Variants in TRIM41 observed in about 807,000 individuals in gnomAD.
TRIM41 encodes the protein tripartite motif containing 41, also known as E3 ubiquitin-protein ligase TRIM41.
TRIM41 carries 21 observed loss-of-function variants against 60.6 expected under a neutral mutation model. The observed-to-expected ratio is 0.35, with a 90% CI of 0.25 to 0.50. The LOEUF (loss-of-function observed/expected upper bound fraction) is 0.50. Among genes scored for constraint, TRIM41 ranks in the 20% least tolerant of loss-of-function variants. The pLI, the probability that TRIM41 is intolerant of heterozygous loss-of-function variation, is 0.98. For synonymous variants in TRIM41, 407 were observed against 344.9 expected, an observed-to-expected ratio of 1.18 and a Z score of -2.00; for missense variants, 846 against 868.3, an observed-to-expected ratio of 0.97 and a Z score of 0.32.
At chr5:181,231,783 C>G (rs1019999403) in intron 2 of TRIM41, 3 of 152,294 alleles carry the variant, frequency 2.0e-5, no homozygotes, top group Non-Finnish European at 4.4e-5. Flanking sequence ...GGCGGCTGTT[C>G]CCTCACGCGT....
In TRIM41 at chr5:181,224,577, G is replaced by A. The variant is rs1758457266; in HGVS notation, c.578G>A (p.Arg193Gln). The change falls in exon 1 of 6, where the codon CGG (arginine) becomes CAG (glutamine). Residue 193 changes from arginine (R) to glutamine (Q), a missense_variant. Physicochemically the swap from Arg to Gln is conservative, Grantham distance 43 (BLOSUM62 1). Coordinates refer to ENST00000315073, the MANE Select transcript of TRIM41 (RefSeq NM_033549.5). The part of the protein sequence containing the change: ...CPQCRKSFPR[R>Q]SFRPNLQLAN... ...CAGTGCCGAAAGAGCTTTCCTCGGC[G>A]GAGCTTCCGCCCCAACCTGCAGCTG... 8.7e-6 allele frequency: 14 copies of A among 1,613,976 alleles called. No individual in the cohort carries two copies. Among genetic ancestry groups the A allele is most frequent in the Non-Finnish European group, 1.2e-5 (14 of 1,179,938 alleles).
At position 181,232,878 on chromosome 5, in the gene TRIM41, C is replaced by T. The variant is rs1036874843; in HGVS notation, c.1129C>T (p.Arg377Trp). 17 of 1,540,916 alleles carry T rather than the reference C, an allele frequency of 1.1e-5. No homozygotes were observed. Among genetic ancestry groups the T allele is most frequent in the East Asian group, 9.8e-5 (4 of 40,952 alleles). ...AQERSQQGGL[R>W]LLQDIKETFN... The stretch of plus-strand genomic sequence containing the variant: ...GGAGCGGAGCCAGCAGGGGGGTCTC[C>T]GGCTGCTCCAGGTGAGCAATGTCCC... The change falls in exon 3 of 6, where the codon CGG becomes TGG. Residue 377 changes from arginine to tryptophan, a missense_variant. Transcript: ENST00000315073.
chr5:181,228,189 C>T (rs1758631718), intron 1 of TRIM41: 2 of 148,096 alleles, frequency 1.4e-5, no homozygotes, highest in Admixed American at 6.8e-5. Context: ...GAGCTGAGAT[C>T]ACGCCACTGC....
At chr5:181,224,952 T>A in intron 1 of TRIM41, 140 bp downstream of exon 1, 1 of 1,021,184 alleles carries the variant, frequency 9.8e-7, no homozygotes, top group Non-Finnish European at 1.5e-6. Flanking sequence ...TCTAAGCACT[T>A]ACTGCCACCA....
chr5:181,223,996 T>C lies in TRIM41; in HGVS notation c.-4T>C, dbSNP rs1758416542. 6.3e-7 allele frequency: 1 copy of C among 1,594,248 alleles called. No homozygotes were observed. Among genetic ancestry groups the C allele is most frequent in the East Asian group, 2.2e-5 (1 of 44,550 alleles). On this transcript the variant is annotated 5_prime_UTR_variant, in exon 1 of 6. Transcript: ENST00000315073. ...ACCTCTACACTGGCTGGCTGGACACTAAGATGGCTGCCGTTGCCATGACAC... is the reference window on the plus strand; with the variant it reads ...ACCTCTACACTGGCTGGCTGGACACCAAGATGGCTGCCGTTGCCATGACAC...
In TRIM41 at chr5:181,234,899, C is replaced by T. The variant is rs373001687; in HGVS notation, c.*124C>T. The T allele has an allele frequency of 8.2e-5, 132 of 1,612,748 alleles. No individual in the cohort carries two copies. Among genetic ancestry groups the T allele is most frequent in the South Asian group, 1.1e-4 (10 of 91,074 alleles). ...TTGTTACTGTGTTGCTTCCCACTCC[C>T]CCTTGACCCCAGGCCCCTGCTTCTC... On this transcript the variant is annotated 3_prime_UTR_variant, in exon 6 of 6. Transcript: ENST00000315073. The surrounding 1 kb of genome is among the most constrained non-coding windows in gnomAD (Gnocchi z 5.6).
rs777703507 is a variant in TRIM41, at chr5:181,232,647, GC to G, written c.910-11del. 1.1e-5 allele frequency: 18 copies of G among 1,611,838 alleles called. No homozygotes were observed. The Admixed American group carries it at 2.7e-4, about 24-fold the overall frequency. ...TGAGGTGGTGTCTGCCATCCCCTTTGCACCATTCCAGAGCCAGATGAAGTCA... is the reference window on the plus strand; with the variant it reads ...TGAGGTGGTGTCTGCCATCCCCTTTGACCATTCCAGAGCCAGATGAAGTCA... On this transcript the variant is annotated splice_polypyrimidine_tract_variant and intron_variant, in intron 2 of 5. Transcript: ENST00000315073.
intron 1 of TRIM41, 111 bp from the exon 2 acceptor site, chr5:181,230,632 CG>C (rs1286925786): frequency 4.2e-6 from 3 of 721,360 alleles, no homozygotes; most frequent in Non-Finnish European, 7.0e-6. Context: ...CACCCATTTT[CG>C]GGGGTAGGGA....
chr5:181,235,522 C>T lies in TRIM41; in HGVS notation c.*747C>T. On this transcript the variant is annotated 3_prime_UTR_variant, in exon 6 of 6. Transcript: ENST00000315073. ...GCAAAGCTCATCCCACCCCACACCC[C>T]TCCCAGGTCTGCTCACTGCCAGGCT... is the stretch of plus-strand genomic sequence containing the variant. 7.9e-7 allele frequency: 1 copy of T among 1,272,094 alleles called. No individual in the cohort carries two copies. 78.8% of individuals were successfully genotyped at this position (1,272,094 alleles called of 1,614,324 possible).
In TRIM41 at chr5:181,233,024, A is replaced by G. The variant is rs1288668888; in HGVS notation, c.1140+135A>G. 4.4e-6 allele frequency: 4 copies of G among 904,634 alleles called. No homozygotes were observed. The highest frequency in any genetic ancestry group is 7.0e-6 in the Non-Finnish European group (4 of 570,384). The allele number at this position is 904,634 out of a possible 1,614,324, so 56.0% of individuals were successfully genotyped here. A position where few individuals can be genotyped will look rare whatever the true frequency, so the allele number is the denominator to read the frequency against. On this transcript the variant is annotated intron_variant, in intron 3 of 5. Coordinates refer to ENST00000315073, the MANE Select transcript of TRIM41 (RefSeq NM_033549.5). This position sits in a 1 kb window ranked among gnomAD's most constrained non-coding sequence, Gnocchi z 4.1. ...GTGATTGAACCTGAAGACCAAAAAC[A>G]TGTTTTAAAGCTGGAAACAGAGTTA...
In TRIM41 at chr5:181,235,246, T is replaced by C. The variant is rs745468109; in HGVS notation, c.*471T>C. 200 of 1,599,786 alleles carry C rather than the reference T, an allele frequency of 1.3e-4. No individual in the cohort carries two copies. Among genetic ancestry groups the C allele is most frequent in the Non-Finnish European group, 1.3e-4 (156 of 1,171,146 alleles). ...TTTAGCTGAGGGATTTGGAAGCCAT[T>C]TGGGGAGGCAGGCTGGGCCAAAGGG... On this transcript the variant is annotated 3_prime_UTR_variant, in exon 6 of 6. Coordinates refer to ENST00000315073, the MANE Select transcript of TRIM41 (RefSeq NM_033549.5).
Position 181,230,810 on chromosome 5 carries a change from A to G in TRIM41, c.880A>G (p.Lys294Glu). 6.2e-7 allele frequency: 1 copy of G among 1,613,050 alleles called. No individual in the cohort carries two copies. Among genetic ancestry groups the G allele is most frequent in the Non-Finnish European group, 8.5e-7 (1 of 1,179,314 alleles). Reference protein sequence around the residue: ...HLEAVQKMKAKEERRVTELKS... With the variant: ...HLEAVQKMKAEEERRVTELKS... ...GGAGGCAGTGCAGAAGATGAAAGCC[A>G]AGGAGGAGAGGCGAGTGACAGAACT... The change falls in exon 2 of 6, where the codon AAG becomes GAG. Residue 294 changes from lysine (K) to glutamate (E), a missense_variant. Physicochemically the swap from Lys to Glu is moderately conservative, Grantham distance 56. Transcript: ENST00000315073.
chr5:181,234,875 T>G lies in TRIM41; in HGVS notation c.*100T>G. On this transcript the variant is annotated 3_prime_UTR_variant, in exon 6 of 6. Coordinates refer to ENST00000315073, the MANE Select transcript of TRIM41 (RefSeq NM_033549.5). The surrounding 1 kb of genome is among the most constrained non-coding windows in gnomAD (Gnocchi z 5.6). ...GGGCTCAAAGGCTCTTCCCACTGCT[T>G]GTTACTGTGTTGCTTCCCACTCCCC... 4 of 1,611,586 alleles carry G rather than the reference T, an allele frequency of 2.5e-6. No individual in the cohort carries two copies. In the Middle Eastern group the frequency reaches 6.6e-4, roughly 267 times the overall value.
Position 181,234,077 on chromosome 5 carries a change from G to A in TRIM41, c.1292-97G>A, listed in dbSNP as rs1318074429. 6.3e-7 allele frequency: 1 copy of A among 1,585,816 alleles called. No homozygotes were observed. The highest frequency in any genetic ancestry group is 8.6e-7 in the Non-Finnish European group (1 of 1,168,910). On this transcript the variant is annotated intron_variant, in intron 5 of 5. Transcript: ENST00000315073. This position sits in a 1 kb window ranked among gnomAD's most constrained non-coding sequence, Gnocchi z 5.6. ...GGCCTCTGGGATGGTGTGGGGAGCTGGATTCAGGGAGAAAGGGGGCCCAAT... is the reference window on the plus strand; with the variant it reads ...GGCCTCTGGGATGGTGTGGGGAGCTAGATTCAGGGAGAAAGGGGGCCCAAT...
At chr5:181,230,700 A>T (rs1758759247) in intron 1 of TRIM41, 44 bp from the exon 2 acceptor site, 1 of 1,523,816 alleles carries the variant, frequency 6.6e-7, no homozygotes, top group African/African-American at 1.4e-5. Context: ...TCTGAAGGGC[A>T]GGTGCCTCTC....
chr5:181,225,636 CTTAG>C (rs1221528132), intron 1 of TRIM41: 1 of 152,212 alleles, frequency 6.6e-6, no homozygotes, highest in Admixed American at 6.5e-5. Flanking sequence ...TAATAATTGA[CTTAG>C]TTATTTACTG....
In TRIM41 at chr5:181,233,886, C is replaced by T. The variant is rs1758922687; in HGVS notation, c.1291+123C>T. On this transcript the variant is annotated intron_variant, in intron 5 of 5. Coordinates refer to ENST00000315073, the MANE Select transcript of TRIM41 (RefSeq NM_033549.5). This position sits in a 1 kb window ranked among gnomAD's most constrained non-coding sequence, Gnocchi z 4.1. ...TGAGATGGAGCAGGATCCAGGCAGC[C>T]ACTCTGAGGTTGAGGTTTCAAGCCA... 11 of 1,476,288 alleles carry T rather than the reference C, an allele frequency of 7.5e-6. No homozygotes were observed. The highest frequency in any genetic ancestry group is 5.0e-5 in the South Asian group (4 of 80,326). The allele number at this position is 1,476,288 out of a possible 1,614,324, so 91.4% of individuals were successfully genotyped here.
chr5:181,224,089 C>G lies in TRIM41; in HGVS notation c.90C>G (p.Pro30=). ...CAICLDYFTD[P]VSIGCGHNFC... is the part of the protein sequence containing the mutation. ...TCTGCCTCGATTACTTCACGGACCC[C>G]GTGTCCATCGGCTGCGGGCACAACT... Residue 30 remains proline (P), a synonymous_variant, in exon 1 of 6, where the codon CCC becomes CCG. Transcript: ENST00000315073. 1 of 1,614,260 alleles carries G rather than the reference C, an allele frequency of 6.2e-7. No individual in the cohort carries two copies. Among genetic ancestry groups the G allele is most frequent in the South Asian group, 1.1e-5 (1 of 91,090 alleles).
At chr5:181,225,034 C>T in intron 1 of TRIM41, 1 of 616,910 alleles carries the variant, frequency 1.6e-6, no homozygotes, top group Non-Finnish European at 2.8e-6. Context: ...AGGATGGCTT[C>T]CTCAAAGCAA....
Sources: gnomAD v4.1 joint callset for allele counts on GRCh38, gnomAD v4.1.1 for gene constraint, Gnocchi (gnomAD v3.1) non-coding constraint, MANE v1.5 for transcripts, NCBI Gene and HGNC (gene_info 2026-07-23, HGNC 2026-07-21) for gene names.